Variants in CCSER1 observed in about 807,000 individuals in gnomAD.
The protein encoded by CCSER1 is serine-rich coiled-coil domain-containing protein 1.
In CCSER1, 41 loss-of-function variants were observed where a neutral mutation model predicts 82.0. The ratio of observed to expected loss-of-function variants is 0.50; its 90% CI spans 0.39 to 0.65. The LOEUF is 0.65. Among genes scored for constraint, CCSER1 ranks in the 30% least tolerant of loss-of-function variants. CCSER1 has a pLI of 0.00. For synonymous variants in CCSER1, 414 were observed against 383.9 expected, an observed-to-expected ratio of 1.08 and a Z score of -0.92; for missense variants, 1,119 against 1,064.2, an observed-to-expected ratio of 1.05 and a Z score of -0.72.
chr4:91,376,090 A>G (rs1299619555), intron 10 of CCSER1, among the ~76,000 whole-genome samples: 1 of 152,184 alleles, frequency 6.6e-6, no homozygotes. Flanking sequence ...GAAAAGTCCA[A>G]ACCAAACTTA....
At chr4:90,421,099 G>A (rs913701421) in intron 4 of CCSER1, among the ~76,000 whole-genome samples, 1 of 152,060 alleles carries the variant, frequency 6.6e-6, no homozygotes, top group Non-Finnish European at 1.5e-5. Context: ...AATAACCACT[G>A]ACATGAAACA....
chr4:91,385,532 A>T (rs1209642981), intron 10 of CCSER1, among the ~76,000 whole-genome samples: 1 of 151,998 alleles, frequency 6.6e-6, no homozygotes, highest in East Asian at 1.9e-4. Flanking sequence ...TTATATATTT[A>T]AAAAATTTAA....
chr4:91,291,711 C>T (rs530363532), intron 10 of CCSER1, among the ~76,000 whole-genome samples: 71 of 152,108 alleles, frequency 4.7e-4, no homozygotes, highest in African/African-American at 1.7e-3. Flanking sequence ...TCAGTCCCCT[C>T]CCACCAGGCC....
At position 91,084,082 on chromosome 4, in the gene CCSER1, C is replaced by A. The variant is rs531603381; in HGVS notation, c.2173-1868C>A. Among the ~76,000 whole-genome samples, 49 of 152,170 alleles carry A rather than the reference C, an allele frequency of 3.2e-4. 2 individuals are homozygous for A. The South Asian group carries it at 9.8e-3, about 30-fold the overall frequency. ...AGTAGCTGGGATTATGGGCACCCACCACCACACCCAGCTAATTTTTTTGTA... is the reference window on the plus strand; with the variant it reads ...AGTAGCTGGGATTATGGGCACCCACAACCACACCCAGCTAATTTTTTTGTA... On this transcript the variant is annotated intron_variant, in intron 9 of 10. Coordinates refer to ENST00000509176, the MANE Select transcript of CCSER1 (RefSeq NM_001145065.2).
At chr4:90,390,192 G>A (rs1561149349) in intron 3 of CCSER1, among the ~76,000 whole-genome samples, 1 of 152,116 alleles carries the variant, frequency 6.6e-6, no homozygotes, top group Non-Finnish European at 1.5e-5. Flanking sequence ...AGTAACAAGG[G>A]ATTTACTGTT....
intron 10 of CCSER1, among the ~76,000 whole-genome samples, chr4:91,308,148 A>C (rs1745208021): frequency 6.6e-6 from 1 of 152,008 alleles, no homozygotes; most frequent in Admixed American, 6.6e-5. Flanking sequence ...TTGAAAGTGT[A>C]GATGAACGCA....
intron 1 of CCSER1, among the ~76,000 whole-genome samples, chr4:90,288,540 C>A (rs969788605): frequency 2.2e-4 from 34 of 151,858 alleles, no homozygotes; most frequent in African/African-American, 7.7e-4. Flanking sequence ...CCTCTAATTC[C>A]CTTCTGAATC....
chr4:91,053,185 C>G (rs1743155099), intron 9 of CCSER1, among the ~76,000 whole-genome samples: 1 of 152,136 alleles, frequency 6.6e-6, no homozygotes, highest in Non-Finnish European at 1.5e-5. Flanking sequence ...TTGTAAATTT[C>G]ACTAAGACTT....
intron 9 of CCSER1, among the ~76,000 whole-genome samples, chr4:90,953,801 T>G (rs1001890741): frequency 6.6e-6 from 1 of 151,918 alleles, no homozygotes; most frequent in Non-Finnish European, 1.5e-5. Flanking sequence ...TTTTGGTGAG[T>G]GATTTGTATC....
chr4:90,395,981 T>G (rs1223989754), intron 3 of CCSER1, among the ~76,000 whole-genome samples: 1 of 151,644 alleles, frequency 6.6e-6, no homozygotes, highest in South Asian at 2.1e-4. Context: ...CTCTGGAGGC[T>G]GAAGCAGGAG....
intron 4 of CCSER1, among the ~76,000 whole-genome samples, chr4:90,436,659 C>CA (rs1245267743): frequency 6.6e-6 from 1 of 151,940 alleles, no homozygotes; most frequent in Non-Finnish European, 1.5e-5. Flanking sequence ...GTTTATATCA[C>CA]AAAAAATTGA....
At position 90,622,720 on chromosome 4, in the gene CCSER1, T is replaced by G. The variant is rs545891893; in HGVS notation, c.1725-5305T>G. Among the ~76,000 whole-genome samples the G allele has an allele frequency of 3.1e-4, 47 of 152,230 alleles. No homozygotes were observed. The East Asian group carries it at 8.7e-3, about 28-fold the overall frequency. ...TTTGCTATTGTGAATAGTGCCACAA[T>G]AAACATACGTGTGCATGTGTCTTTA... On this transcript the variant is annotated intron_variant, in intron 5 of 10. Coordinates refer to ENST00000509176, the MANE Select transcript of CCSER1 (RefSeq NM_001145065.2).
chr4:90,533,309 A>G lies in CCSER1; in HGVS notation c.1724+64955A>G, dbSNP rs547545608. 1.3e-4 allele frequency among the ~76,000 whole-genome samples: 19 copies of G among 151,760 alleles called. No individual in the cohort carries two copies. In the East Asian group the frequency reaches 3.7e-3, roughly 29 times the overall value. On this transcript the variant is annotated intron_variant, in intron 5 of 10. Transcript: ENST00000509176. The stretch of plus-strand genomic sequence containing the variant: ...ACGGGGTTTCACCGTGTTAGCCAGG[A>G]TGGTCTCCATCTCCTGACCTAGTAA...
chr4:91,387,382 T>G (rs1280308304), intron 10 of CCSER1, among the ~76,000 whole-genome samples: 2 of 151,976 alleles, frequency 1.3e-5, no homozygotes, highest in Non-Finnish European at 2.9e-5. Flanking sequence ...TAGATTTCTG[T>G]CATTTAGTCC....
chr4:91,443,451 A>G (rs1755334315), intron 10 of CCSER1, among the ~76,000 whole-genome samples: 1 of 143,848 alleles, frequency 7.0e-6, no homozygotes, highest in Admixed American at 7.3e-5. Flanking sequence ...TGGGAATTGA[A>G]CAATGAGAAC....
intron 10 of CCSER1, among the ~76,000 whole-genome samples, chr4:91,088,411 T>C (rs1268378462): frequency 6.6e-6 from 1 of 152,114 alleles, no homozygotes; most frequent in Non-Finnish European, 1.5e-5. Flanking sequence ...AATATGCTAT[T>C]TAGCTAAGTG....
At chr4:90,607,899 C>A (rs1784947010) in intron 5 of CCSER1, among the ~76,000 whole-genome samples, 2 of 152,110 alleles carry the variant, frequency 1.3e-5, no homozygotes, top group South Asian at 4.1e-4. Flanking sequence ...GAAAGAAAGA[C>A]TCCACTTAAC....
At chr4:91,217,357 C>T (rs978436605) in intron 10 of CCSER1, among the ~76,000 whole-genome samples, 2 of 152,174 alleles carry the variant, frequency 1.3e-5, no homozygotes, top group Non-Finnish European at 2.9e-5. Context: ...CGTTTACAAT[C>T]CCTGAGCTAG....
intron 8 of CCSER1, among the ~76,000 whole-genome samples, chr4:90,885,910 AT>A (rs921929515): frequency 6.6e-5 from 10 of 151,588 alleles, no homozygotes; most frequent in African/African-American, 2.2e-4. Context: ...CCTTTTGCTC[AT>A]TTTTTTTCTC....
Sources: allele counts gnomAD v4.1 joint callset (sites outside exome capture counted in the v4.1 genomes callset), GRCh38; gene constraint gnomAD v4.1.1; transcripts MANE v1.5; gene names NCBI Gene and HGNC (gene_info 2026-07-23, HGNC 2026-07-21).